The following KIRREL1 variants were observed in gnomAD, a reference collection of about 807,000 sequenced individuals.
The protein encoded by KIRREL1 is kirre like nephrin family adhesion molecule 1.
A neutral mutation model predicts 83.3 loss-of-function variants in KIRREL1; 25 were observed. The ratio of observed to expected loss-of-function variants is 0.30; its 90% CI spans 0.22 to 0.42. The LOEUF (loss-of-function observed/expected upper bound fraction) is 0.42. Among genes scored for constraint, KIRREL1 ranks in the 10% least tolerant of loss-of-function variants. The probability of loss-of-function intolerance (pLI) is 1.00; values close to 1 mark genes in which losing one functional copy is unlikely to be tolerated. For missense variants in KIRREL1, 812 were observed against 1,032.3 expected (o/e 0.79, Z 2.92); for synonymous variants, 388 against 410.4 (o/e 0.95, Z 0.66).
At chr1:158,061,108 C>CCCAT (rs1317188524) in intron 1 of KIRREL1, among the ~76,000 whole-genome samples, 1 of 151,730 alleles carries the variant, frequency 6.6e-6, no homozygotes, top group Non-Finnish European at 1.5e-5. Context: ...AACCTAACCC[C>CCCAT]CCATCCATCC....
At position 158,084,579 on chromosome 1, in the gene KIRREL1, GGTGAGCTCCAGCCAGCTCCC is replaced by G; in HGVS notation, c.510+1_510+20del. 6.4e-7 allele frequency: 1 copy of G among 1,551,374 alleles called. No individual in the cohort carries two copies. The highest frequency in any genetic ancestry group is 1.2e-5 in the South Asian group (1 of 84,002). On this transcript the variant is annotated splice_donor_variant and splice_donor_5th_base_variant and intron_variant, in intron 4 of 14. Transcript: ENST00000359209. LOFTEE classifies it high-confidence loss of function. ...AGCAGGAGGGCGCTGTGGCCAGCACGGTGAGCTCCAGCCAGCTCCCCCAGCTCCTCCTGGGCCTAGCCCAG... is the reference window on the plus strand; with the variant it reads ...AGCAGGAGGGCGCTGTGGCCAGCACGCCAGCTCCTCCTGGGCCTAGCCCAG...
In KIRREL1 at chr1:158,093,755, T is replaced by A. The variant is rs370146930; in HGVS notation, c.1712T>A (p.Ile571Asn). The change falls in exon 13 of 15, where the codon ATC (isoleucine) becomes AAC (asparagine). Residue 571 changes from isoleucine to asparagine, a missense_variant. Ile to Asn is a moderately radical substitution (Grantham distance 149). This residue lies in a region of KIRREL1 where 334 missense variants were observed against 383.7 expected (regional missense o/e 0.87). Transcript: ENST00000359209. ...VSTATRVMKA[I>N]YSSFKDDVDL... is the part of the protein sequence containing the mutation. ...ACAGCAACCCGGGTCATGAAGGCCATCTACTCGGTGAGGGTCCTGCTCCTC... is the reference window on the plus strand; with the variant it reads ...ACAGCAACCCGGGTCATGAAGGCCAACTACTCGGTGAGGGTCCTGCTCCTC... 160 of 1,614,026 alleles carry A rather than the reference T, an allele frequency of 9.9e-5. No individual in the cohort carries two copies. The highest frequency in any genetic ancestry group is 1.2e-4 in the Non-Finnish European group (143 of 1,180,018).
Position 158,078,008 on chromosome 1 carries a change from G to A in KIRREL1, c.220G>A (p.Val74Ile), listed in dbSNP as rs746785014. ...TTCTGCAGCCTGGCCACGGTACCGG[G>A]TTGTGGGCTCCGCAGACGCTGGGCA... ...QGLKAWPRYR[V>I]VGSADAGQYN... The change falls in exon 3 of 15, where the codon GTT becomes ATT. Residue 74 changes from valine (V) to isoleucine (I), a missense_variant. Val to Ile is a conservative substitution (Grantham distance 29). This residue lies in a region of KIRREL1 where 472 missense variants were observed against 626.8 expected (regional missense o/e 0.75). Coordinates refer to ENST00000359209, the MANE Select transcript of KIRREL1 (RefSeq NM_018240.7). The A allele has an allele frequency of 1.2e-6, 2 of 1,614,176 alleles. No homozygotes were observed. Among genetic ancestry groups the A allele is most frequent in the Middle Eastern group, 1.6e-4 (1 of 6,062 alleles).
intron 11 of KIRREL1, 148 bp from the exon 12 acceptor site, chr1:158,093,191 A>C (rs904082914): frequency 1.4e-6 from 1 of 692,698 alleles, no homozygotes; most frequent in Non-Finnish European, 2.6e-6. Context: ...ACTTAAACCT[A>C]ACACTGTCCC....
chr1:158,073,925 C>T (rs57294563), intron 1 of KIRREL1, among the ~76,000 whole-genome samples: 3,665 of 152,272 alleles, frequency 0.024, 140 homozygotes, highest in African/African-American at 0.082. Context: ...GTATAAATTC[C>T]ACCTCTGAGC....
chr1:158,023,458 A>G (rs1479017726), intron 1 of KIRREL1, among the ~76,000 whole-genome samples: 3 of 152,222 alleles, frequency 2.0e-5, no homozygotes, highest in Non-Finnish European at 4.4e-5. Flanking sequence ...CAATAATACC[A>G]GTCTCAAATA....
At chr1:158,080,566 G>A (rs1345064067) in intron 3 of KIRREL1, among the ~76,000 whole-genome samples, 4 of 152,178 alleles carry the variant, frequency 2.6e-5, no homozygotes, top group Non-Finnish European at 4.4e-5. Context: ...TGAGAGAACA[G>A]GGAGAGACCC....
intron 1 of KIRREL1, among the ~76,000 whole-genome samples, chr1:158,056,990 A>G (rs189597144): frequency 5.3e-5 from 8 of 151,914 alleles, no homozygotes; most frequent in Non-Finnish European, 1.0e-4. Flanking sequence ...CTTCTTCCAA[A>G]CCTTCATTTA....
At chr1:157,994,677 C>T (rs1464093372) in intron 1 of KIRREL1, among the ~76,000 whole-genome samples, 1 of 152,004 alleles carries the variant, frequency 6.6e-6, no homozygotes, top group Non-Finnish European at 1.5e-5. Flanking sequence ...AAGACTGAAT[C>T]CTGCTGAACT....
chr1:158,062,628 C>T (rs561437974), intron 1 of KIRREL1, among the ~76,000 whole-genome samples: 2 of 152,388 alleles, frequency 1.3e-5, no homozygotes, highest in African/African-American at 4.8e-5. Context: ...TGTATACCAA[C>T]ACTAGTATGT....
chr1:158,029,108 A>G (rs921639816), intron 1 of KIRREL1, among the ~76,000 whole-genome samples: 2 of 152,216 alleles, frequency 1.3e-5, no homozygotes, highest in Non-Finnish European at 2.9e-5. Context: ...AGGCATTGAC[A>G]TGGAAAAACC....
chr1:157,994,956 G>T (rs1030087766), intron 1 of KIRREL1, among the ~76,000 whole-genome samples: 1 of 152,156 alleles, frequency 6.6e-6, no homozygotes, highest in Non-Finnish European at 1.5e-5. Flanking sequence ...TACAAGGACA[G>T]GACACACGCT....
At chr1:158,063,390 A>T (rs1570966916) in intron 1 of KIRREL1, among the ~76,000 whole-genome samples, 1 of 152,106 alleles carries the variant, frequency 6.6e-6, no homozygotes, top group East Asian at 1.9e-4. Flanking sequence ...TAAGACCCCC[A>T]TGTCCATGCC....
At chr1:158,027,106 C>T (rs955462106) in intron 1 of KIRREL1, among the ~76,000 whole-genome samples, 5 of 152,172 alleles carry the variant, frequency 3.3e-5, no homozygotes, top group Admixed American at 6.5e-5. Flanking sequence ...TCGCAAGCCC[C>T]GCATTGTTTT....
intron 1 of KIRREL1, among the ~76,000 whole-genome samples, chr1:158,056,664 G>A (rs150658332): frequency 2.1e-4 from 32 of 152,346 alleles, no homozygotes; most frequent in African/African-American, 7.7e-4. Flanking sequence ...TGCTTGGAGA[G>A]CAGGAGGAAG....
In KIRREL1 at chr1:158,044,160, A is replaced by C. The variant is rs546622695; in HGVS notation, c.53-31953A>C. Among the ~76,000 whole-genome samples, 39 of 152,332 alleles carry C rather than the reference A, an allele frequency of 2.6e-4. No individual in the cohort carries two copies. In the South Asian group the frequency reaches 3.9e-3, roughly 15 times the overall value. ...CATGGCCCCTGCCTTTGTGAAAAAA[A>C]GCAATCTCTGCAAGGCATGGTGGGT... On this transcript the variant is annotated intron_variant, in intron 1 of 14. Transcript: ENST00000359209.
intron 1 of KIRREL1, among the ~76,000 whole-genome samples, chr1:158,027,918 T>C (rs1294432204): frequency 6.6e-6 from 1 of 152,146 alleles, no homozygotes; most frequent in Non-Finnish European, 1.5e-5. Context: ...AGGATTTCAG[T>C]CTTAGGGATA....
chr1:158,007,782 A>G (rs11580742), intron 1 of KIRREL1, among the ~76,000 whole-genome samples: 14,487 of 151,928 alleles, frequency 0.095, 754 homozygotes, highest in African/African-American at 0.13. Flanking sequence ...AAGTGCAGCT[A>G]GCCCTGCAGC....
chr1:158,086,604 G>A lies in KIRREL1; in HGVS notation c.519G>A (p.Leu173=). 1.9e-6 allele frequency: 3 copies of A among 1,551,978 alleles called. No individual in the cohort carries two copies. Among genetic ancestry groups the A allele is most frequent in the Non-Finnish European group, 2.6e-6 (3 of 1,147,056 alleles). Residue 173 remains leucine (L), a synonymous_variant, in exon 5 of 15, where the codon CTG becomes CTA. Coordinates refer to ENST00000359209, the MANE Select transcript of KIRREL1 (RefSeq NM_018240.7). ...QEGAVASTEL[L]KDGKRETTVS... Reference sequence around the variant, plus strand: ...CCCTTGTCATGTTCCAGGAATTGCTGAAGGATGGGAAGAGGGAGACCACCG... The same window carrying A: ...CCCTTGTCATGTTCCAGGAATTGCTAAAGGATGGGAAGAGGGAGACCACCG...
Sources: gnomAD v4.1 joint callset for allele counts (sites outside exome capture counted in the v4.1 genomes callset) on GRCh38, gnomAD v4.1.1 for gene constraint, gnomAD v4.1.1 regional missense constraint, MANE v1.5 for transcripts, NCBI Gene and HGNC (gene_info 2026-07-23, HGNC 2026-07-21) for gene names.